Variants in COL3A1 observed in about 807,000 individuals in gnomAD.
COL3A1 encodes collagen alpha-1(III) chain.
COL3A1 carries 46 observed loss-of-function variants against 200.9 expected under a neutral mutation model. The ratio of observed to expected loss-of-function variants is 0.23; its 90% CI spans 0.18 to 0.29. The LOEUF is 0.29. COL3A1 is among the 10% of genes least tolerant of loss of function. COL3A1 has a pLI of 1.00. For missense variants in COL3A1, 1,367 were observed against 1,917.6 expected (o/e 0.71, Z 5.36); for synonymous variants, 650 against 628.0 (o/e 1.03, Z -0.52).
chr2:189,009,029 G>A lies in COL3A1; in HGVS notation c.3631G>A (p.Glu1211Lys). ...CGCTGCCATTGCTGGGATTGGAGGT[G>A]AAAAAGCTGGCGGTTTTGCCCCGTA... is the stretch of plus-strand genomic sequence containing the variant. ...GAAAIAGIGG[E>K]KAGGFAPYYG... The change falls in exon 48 of 51, where the codon GAA becomes AAA. Residue 1211 changes from glutamate (E) to lysine (K), a missense_variant. This residue lies in a region of COL3A1 where 846 missense variants were observed against 1,147.9 expected (regional missense o/e 0.74). Coordinates refer to ENST00000304636, the MANE Select transcript of COL3A1 (RefSeq NM_000090.4). The A allele has an allele frequency of 6.2e-7, 1 of 1,614,186 alleles. No homozygotes were observed. Among genetic ancestry groups the A allele is most frequent in the East Asian group, 2.2e-5 (1 of 44,884 alleles).
intron 49 of COL3A1, 85 bp downstream of exon 49, chr2:189,010,450 C>T: frequency 6.5e-7 from 1 of 1,547,736 alleles, no homozygotes; most frequent in Non-Finnish European, 8.9e-7. Flanking sequence ...AGCAAAGTTA[C>T]TAGGTTGGTA....
At position 189,007,555 on chromosome 2, in the gene COL3A1, G is replaced by C; in HGVS notation, c.3311G>C (p.Gly1104Ala). The C allele has an allele frequency of 6.2e-7, 1 of 1,613,806 alleles. No individual in the cohort carries two copies. The highest frequency in any genetic ancestry group is 8.5e-7 in the Non-Finnish European group (1 of 1,179,864). ...GAAACAGGTGAACGTGGAGCTGCTG[G>C]CATCAAAGGACATCGAGGATTCCCT... ...KGETGERGAAGIKGHRGFPGN... is the reference protein window; with the variant it reads ...KGETGERGAAAIKGHRGFPGN... Residue 1104 changes from glycine (G) to alanine (A), a missense_variant, in exon 45 of 51, where the codon GGC becomes GCC. Around this residue, in one of 5 missense-constraint regions of COL3A1, gnomAD observed 846 missense variants for 1,147.9 expected, o/e 0.74. Transcript: ENST00000304636.
At position 189,003,965 on chromosome 2, in the gene COL3A1, C is replaced by A; in HGVS notation, c.2662-17C>A. On this transcript the variant is annotated splice_polypyrimidine_tract_variant and intron_variant, in intron 38 of 50. Transcript: ENST00000304636. ...CTTTTTATTATAAATATTCAAATTTCAAACAATTATTTGTAGGGTAACCCA... is the reference window on the plus strand; with the variant it reads ...CTTTTTATTATAAATATTCAAATTTAAAACAATTATTTGTAGGGTAACCCA... 6.3e-7 allele frequency: 1 copy of A among 1,593,944 alleles called. No homozygotes were observed. Among genetic ancestry groups the A allele is most frequent in the Admixed American group, 1.7e-5 (1 of 58,058 alleles).
intron 23 of COL3A1, 88 bp downstream of exon 23, chr2:188,996,266 GTGTGTATATATATATA>G (rs1688309141): frequency 1.1e-6 from 1 of 941,790 alleles, no homozygotes; most frequent in African/African-American, 2.5e-5. Flanking sequence ...GTGTGTGTGT[GTGTGTATATATATATA>G]TGTATATGTA....
At chr2:189,006,486 T>C (rs931537077) in intron 43 of COL3A1, 34 bp downstream of exon 43, 3 of 1,593,774 alleles carry the variant, frequency 1.9e-6, no homozygotes, top group South Asian at 2.2e-5. Flanking sequence ...GTCTTGTTTG[T>C]CTATTTCCTT....
At position 189,007,515 on chromosome 2, in the gene COL3A1, C is replaced by A. The variant is rs1464447467; in HGVS notation, c.3271C>A (p.Arg1091Ser). Residue 1091 changes from arginine (R) to serine (S), a missense_variant, in exon 45 of 51, where the codon CGT (arginine) becomes AGT (serine). Physicochemically the swap from Arg to Ser is moderately radical, Grantham distance 110. Transcript: ENST00000304636. ...SRGAPGPQGPRGDKGETGERG... is the reference protein window; with the variant it reads ...SRGAPGPQGPSGDKGETGERG... ...GTTTCTAAAGGGTCCTCAAGGCCCA[C>A]GTGGTGACAAAGGTGAAACAGGTGA... The A allele has an allele frequency of 1.1e-5, 17 of 1,613,254 alleles. No homozygotes were observed. The highest frequency in any genetic ancestry group is 1.4e-5 in the Non-Finnish European group (16 of 1,179,674).
At chr2:189,009,252 A>C in intron 48 of COL3A1, 31 bp downstream of exon 48, 1 of 1,613,162 alleles carries the variant, frequency 6.2e-7, no homozygotes, top group East Asian at 2.2e-5. Flanking sequence ...TCTTCATGGC[A>C]ATAGGATTAC....
rs13402856 is a variant in COL3A1, at chr2:188,993,487, G to A, written c.1149+28G>A. 9.2e-4 allele frequency: 1,376 copies of A among 1,497,954 alleles called. 16 individuals are homozygous for A. The African/African-American group carries it at 0.021, about 23-fold the overall frequency. The allele number at this position is 1,497,954 out of a possible 1,614,324, so 92.8% of individuals were successfully genotyped here. On this transcript the variant is annotated intron_variant, in intron 16 of 50. Transcript: ENST00000304636. ...AAGTATCATAGTTGAGAGGGAGTAA[G>A]CATAGTTTCATGCTTACTCCATGAA...
chr2:189,003,843 A>T, intron 38 of COL3A1, 56 bp downstream of exon 38: 1 of 1,593,838 alleles, frequency 6.3e-7, no homozygotes, highest in Non-Finnish European at 8.6e-7. Context: ...GCATTCATGT[A>T]TGTATAGGAT....
chr2:189,007,313 T>G (rs1004229052), intron 44 of COL3A1, among the ~76,000 whole-genome samples, 187 bp from the exon 45 acceptor site: 10 of 151,664 alleles, frequency 6.6e-5, no homozygotes, highest in Middle Eastern at 3.4e-3. Context: ...TAGGGATCCA[T>G]GCAATGATCA....
chr2:188,990,492 T>A, intron 10 of COL3A1, 132 bp downstream of exon 10: 1 of 850,002 alleles, frequency 1.2e-6, no homozygotes, highest in Non-Finnish European at 1.9e-6. Context: ...TTTTTAAGTC[T>A]ACTAAGTTTG....
chr2:188,994,756 TA>T lies in COL3A1; in HGVS notation c.1383del (p.Gly462AlafsTer74). ...EAGIPGVPGA[K>X]GEDGKDGSPG... ...CTGGTATTCCAGGTGTTCCAGGAGC[TA>T]AAGGCGAAGATGGCAAGGATGGATC... On this transcript the variant is annotated frameshift_variant, in exon 20 of 51. Transcript: ENST00000304636. LOFTEE classifies it high-confidence loss of function. This position sits in a 1 kb window ranked among gnomAD's most constrained non-coding sequence, Gnocchi z 4.5. The T allele has an allele frequency of 6.2e-7, 1 of 1,613,888 alleles. No individual in the cohort carries two copies. The highest frequency in any genetic ancestry group is 8.5e-7 in the Non-Finnish European group (1 of 1,179,968).
intron 13 of COL3A1, among the ~76,000 whole-genome samples, 192 bp from the exon 14 acceptor site, chr2:188,991,992 A>G (rs939603910): frequency 2.6e-5 from 4 of 152,164 alleles, no homozygotes; most frequent in East Asian, 1.9e-4. Context: ...ACAGACTCCA[A>G]TCCTTCTACA....
At chr2:188,999,607 A>G (rs1239257383) in intron 31 of COL3A1, 30 bp downstream of exon 31, 1 of 1,602,812 alleles carries the variant, frequency 6.2e-7, no homozygotes, top group Non-Finnish European at 8.5e-7. Context: ...TAATTGTTCA[A>G]TAAATCAGTC....
rs1688486002 is a variant in COL3A1, at chr2:189,002,339, C to T, written c.2433C>T (p.Phe811=). ...GETGPPGPAG[F]PGAPGQNGEP... The stretch of plus-strand genomic sequence containing the variant: ...CTGGCCCTCCAGGACCTGCTGGTTT[C>T]CCTGGTGCTCCTGTAAGTGTGAATA... Residue 811 remains phenylalanine, a synonymous_variant, in exon 35 of 51, where the codon TTC becomes TTT. Transcript: ENST00000304636. 6.2e-7 allele frequency: 1 copy of T among 1,613,880 alleles called. No individual in the cohort carries two copies. Among genetic ancestry groups the T allele is most frequent in the Non-Finnish European group, 8.5e-7 (1 of 1,179,772 alleles).
chr2:189,011,290 T>C (rs1182083067), intron 50 of COL3A1, among the ~76,000 whole-genome samples: 1 of 152,232 alleles, frequency 6.6e-6, no homozygotes, highest in African/African-American at 2.4e-5. Context: ...TCACTTCTAA[T>C]ATTAGCGAAT....
chr2:188,997,245 T>A (rs758160371), intron 25 of COL3A1, 27 bp downstream of exon 25: 12 of 1,613,954 alleles, frequency 7.4e-6, no homozygotes, highest in Non-Finnish European at 1.0e-5. Flanking sequence ...AATTTATTTC[T>A]AGCCTTCTAA....
intron 41 of COL3A1, 116 bp from the exon 42 acceptor site, chr2:189,006,090 C>A: frequency 9.4e-7 from 1 of 1,064,964 alleles, no homozygotes; most frequent in East Asian, 2.6e-5. Context: ...ATTTCTTACC[C>A]CCAAGAACCA....
intron 1 of COL3A1, among the ~76,000 whole-genome samples, chr2:188,978,580 G>T (rs544384959): frequency 6.6e-6 from 1 of 152,024 alleles, no homozygotes; most frequent in Admixed American, 6.6e-5. Context: ...AGTGATTAAA[G>T]TAGATTGCTT....
Sources: allele counts gnomAD v4.1 joint callset (sites outside exome capture counted in the v4.1 genomes callset), GRCh38; gene constraint gnomAD v4.1.1; regional missense constraint gnomAD v4.1.1; non-coding constraint Gnocchi (gnomAD v3.1); transcripts MANE v1.5; gene names NCBI Gene and HGNC (gene_info 2026-07-23, HGNC 2026-07-21).